Variants in AKT1 observed in about 807,000 individuals in gnomAD.
AKT1 encodes RAC-alpha serine/threonine-protein kinase.
Under a neutral mutation model 63.1 loss-of-function variants are expected in AKT1, and 21 were observed. The observed-to-expected ratio is 0.33, with a 90% confidence interval of 0.24 to 0.48. AKT1 has a LOEUF of 0.48. AKT1 is among the 20% of genes least tolerant of loss of function. The probability of loss-of-function intolerance (pLI) is 0.99; values close to 1 mark genes in which losing one functional copy is unlikely to be tolerated. For synonymous variants in AKT1, 257 were observed against 253.1 expected, an observed-to-expected ratio of 1.02 and a Z score of -0.15; for missense variants, 382 against 666.0, an observed-to-expected ratio of 0.57 and a Z score of 4.69.
chr14:104,770,334 C>T lies in AKT1; in HGVS notation c.*7G>A, dbSNP rs192237287. 4.9e-5 allele frequency: 78 copies of T among 1,607,872 alleles called. No individual in the cohort carries two copies. The East Asian group carries it at 1.4e-3, about 29-fold the overall frequency. On this transcript the variant is annotated 3_prime_UTR_variant, in exon 15 of 15. Coordinates refer to ENST00000649815, the MANE Select transcript of AKT1 (RefSeq NM_001382430.1). ...CAAGCTATCGTCCAGCGCAGTCCAC[C>T]GCCGCCTCAGGCCGTGCCGCTGGCC...
In AKT1 at chr14:104,770,114, A is replaced by G. The variant is rs1892291300; in HGVS notation, c.*227T>C. ...TGAGGGCTGAGGCCACACCCGGAGA[A>G]CAAACTGGATGAAATAAATTAAAAC... On this transcript the variant is annotated 3_prime_UTR_variant, in exon 15 of 15. Coordinates refer to ENST00000649815, the MANE Select transcript of AKT1 (RefSeq NM_001382430.1). The G allele has an allele frequency of 1.7e-6, 1 of 595,310 alleles. No homozygotes were observed. The allele number at this position is 595,310 out of a possible 1,614,324, so 36.9% of individuals were successfully genotyped here. A position where few individuals can be genotyped will look rare whatever the true frequency, so the allele number is the denominator to read the frequency against.
At chr14:104,790,647 T>C (rs1394504832) in intron 3 of AKT1, among the ~76,000 whole-genome samples, 1 of 152,160 alleles carries the variant, frequency 6.6e-6, no homozygotes, top group Non-Finnish European at 1.5e-5. Flanking sequence ...CAAGGGCATA[T>C]GTCATATCCA....
chr14:104,779,487 T>C (rs1892907005), intron 4 of AKT1, among the ~76,000 whole-genome samples: 1 of 152,182 alleles, frequency 6.6e-6, no homozygotes, highest in South Asian at 2.1e-4. Flanking sequence ...CTAACCCCCT[T>C]GGAGGAGGGG....
intron 4 of AKT1, chr14:104,777,949 T>G (rs1280974613): frequency 2.6e-5 from 4 of 153,172 alleles, no homozygotes; most frequent in African/African-American, 9.7e-5. Context: ...TGCCCCAGTA[T>G]GCAATCCCCA....
intron 4 of AKT1, chr14:104,777,429 A>C: frequency 1.7e-6 from 1 of 602,038 alleles, no homozygotes; most frequent in Non-Finnish European, 2.1e-6. Flanking sequence ...CACACCTGGG[A>C]CACAGCCACA....
chr14:104,782,183 C>G (rs1893089231), intron 3 of AKT1, among the ~76,000 whole-genome samples: 1 of 151,336 alleles, frequency 6.6e-6, no homozygotes, highest in South Asian at 2.1e-4. Context: ...CCCACCCCAC[C>G]CGTCCCCCAT....
At chr14:104,780,343 C>A (rs1487780894) in intron 3 of AKT1, 127 bp from the exon 4 acceptor site, 6 of 1,330,104 alleles carry the variant, frequency 4.5e-6, no homozygotes, top group Admixed American at 2.4e-5. Flanking sequence ...GGGGCAGGCG[C>A]GGTACGGGAG....
intron 8 of AKT1, chr14:104,774,199 C>G: frequency 1.7e-6 from 1 of 583,986 alleles, no homozygotes; most frequent in Non-Finnish European, 3.1e-6. Context: ...ACCATACACC[C>G]CCACATCACA....
At position 104,792,681 on chromosome 14, in the gene AKT1, C is replaced by A; in HGVS notation, c.-38G>T. On this transcript the variant is annotated 5_prime_UTR_variant, in exon 3 of 15. Transcript: ENST00000649815. ...TCCCGCGACGCTCACGCGCTCCTCT[C>A]AGGCTGGCGCTCCCCGAGCCCAGCT... 6.2e-7 allele frequency: 1 copy of A among 1,604,878 alleles called. No individual in the cohort carries two copies.
At chr14:104,785,795 G>A (rs994786564) in intron 3 of AKT1, among the ~76,000 whole-genome samples, 1 of 152,136 alleles carries the variant, frequency 6.6e-6, no homozygotes, top group African/African-American at 2.4e-5. Context: ...GGAACATGGT[G>A]CGGGCAGGCG....
chr14:104,772,810 A>T (rs1892465252), intron 12 of AKT1, 68 bp downstream of exon 12: 1 of 1,510,420 alleles, frequency 6.6e-7, no homozygotes, highest in Non-Finnish European at 8.9e-7. Flanking sequence ...CGCCTGGCGC[A>T]GGGGCAGGTG....
At chr14:104,779,202 G>A (rs1892891595) in intron 4 of AKT1, among the ~76,000 whole-genome samples, 1 of 152,226 alleles carries the variant, frequency 6.6e-6, no homozygotes, top group Admixed American at 6.5e-5. Context: ...GCCACAGCAG[G>A]GCGGAGCAGG....
At chr14:104,774,050 A>C (rs943348541) in intron 8 of AKT1, 70 bp from the exon 9 acceptor site, 1 of 1,458,160 alleles carries the variant, frequency 6.9e-7, no homozygotes, top group African/African-American at 1.4e-5. Flanking sequence ...GCTGCCCGAC[A>C]CCACGCTGCT....
intron 4 of AKT1, among the ~76,000 whole-genome samples, 191 bp downstream of exon 4, chr14:104,779,897 G>T (rs982423085): frequency 2.0e-5 from 3 of 151,796 alleles, no homozygotes; most frequent in Admixed American, 6.6e-5. Flanking sequence ...TCAGCTTTGG[G>T]ACTCAGCCCG....
intron 3 of AKT1, among the ~76,000 whole-genome samples, chr14:104,791,935 C>A (rs1047897518): frequency 2.6e-5 from 4 of 152,224 alleles, no homozygotes; most frequent in African/African-American, 9.6e-5. Context: ...CCGCACCCCG[C>A]TGAGCAACGG....
Position 104,769,828 on chromosome 14 carries a change from G to C in AKT1, c.*513C>G, listed in dbSNP as rs1892275822. ...TGACGTCCTCAGAGACACGGCCTTA[G>C]TGCTGGGGGGCTGCTGTGTGCCTGC... On this transcript the variant is annotated 3_prime_UTR_variant, in exon 15 of 15. Coordinates refer to ENST00000649815, the MANE Select transcript of AKT1 (RefSeq NM_001382430.1). 1 of 394,294 alleles carries C rather than the reference G, an allele frequency of 2.5e-6. No homozygotes were observed. Among genetic ancestry groups the C allele is most frequent in the Admixed American group, 4.4e-5 (1 of 22,850 alleles). 24.4% of individuals were successfully genotyped at this position (394,294 alleles called of 1,614,324 possible).
At chr14:104,783,724 A>C (rs572789384) in intron 3 of AKT1, among the ~76,000 whole-genome samples, 68 of 152,212 alleles carry the variant, frequency 4.5e-4, no homozygotes, top group African/African-American at 1.6e-3. Context: ...ACCGCCCAGC[A>C]TTCAGGCCCA....
At chr14:104,790,102 C>T (rs1893547334) in intron 3 of AKT1, among the ~76,000 whole-genome samples, 1 of 152,224 alleles carries the variant, frequency 6.6e-6, no homozygotes, top group African/African-American at 2.4e-5. Context: ...CCACATCACC[C>T]CTGAAGGCAC....
At chr14:104,781,003 C>G (rs1212863925) in intron 3 of AKT1, among the ~76,000 whole-genome samples, 1 of 152,220 alleles carries the variant, frequency 6.6e-6, no homozygotes, top group Non-Finnish European at 1.5e-5. Flanking sequence ...GCGTCCCACC[C>G]GTGGGTCATT....
Sources: allele counts gnomAD v4.1 joint callset (sites outside exome capture counted in the v4.1 genomes callset), GRCh38; gene constraint gnomAD v4.1.1; transcripts MANE v1.5; gene names NCBI Gene and HGNC (gene_info 2026-07-23, HGNC 2026-07-21).